PRDM5: variants seen among roughly 807,000 people sequenced by gnomAD.
PRDM5 encodes PR domain zinc finger protein 5.
A neutral mutation model predicts 81.2 loss-of-function variants in PRDM5; 56 were observed. That is an observed-to-expected ratio of 0.69 (90% CI 0.56 to 0.86). PRDM5 has a LOEUF of 0.86. PRDM5 is among the 40% of genes least tolerant of loss of function. The pLI, the probability that PRDM5 is intolerant of heterozygous loss-of-function variation, is 0.00. For missense variants in PRDM5, 697 were observed against 770.1 expected (o/e 0.91, Z 1.12); for synonymous variants, 267 against 256.4 (o/e 1.04, Z -0.39).
At chr4:120,833,191 A>G (rs1756927706) in intron 3 of PRDM5, among the ~76,000 whole-genome samples, 1 of 152,174 alleles carries the variant, frequency 6.6e-6, no homozygotes, top group Non-Finnish European at 1.5e-5. Context: ...AATTCCAGAA[A>G]TAAACGATTA....
At chr4:120,685,378 T>C (rs984378646) in intron 1 of PRDM5, among the ~76,000 whole-genome samples, 5 of 152,110 alleles carry the variant, frequency 3.3e-5, no homozygotes, top group African/African-American at 1.2e-4. Context: ...ATGTTTTAGT[T>C]AAAAGAATAG....
chr4:120,714,039 C>A (rs912845247), intron 14 of PRDM5, among the ~76,000 whole-genome samples: 1 of 152,196 alleles, frequency 6.6e-6, no homozygotes, highest in South Asian at 2.1e-4. Context: ...TACCATCACA[C>A]TGATGGTTAG....
intron 3 of PRDM5, among the ~76,000 whole-genome samples, chr4:120,847,519 C>T (rs892598937): frequency 6.6e-6 from 1 of 152,116 alleles, no homozygotes; most frequent in African/African-American, 2.4e-5. Context: ...TCAAGTTTTC[C>T]CTGGCTGACC....
chr4:120,846,704 T>A (rs1378175564), intron 3 of PRDM5, among the ~76,000 whole-genome samples: 4 of 152,130 alleles, frequency 2.6e-5, no homozygotes, highest in Admixed American at 6.5e-5. Flanking sequence ...ATATATTATC[T>A]CATTTAATTT....
At chr4:120,897,705 T>G (rs1398506881) in intron 2 of PRDM5, among the ~76,000 whole-genome samples, 2 of 152,240 alleles carry the variant, frequency 1.3e-5, no homozygotes, top group African/African-American at 4.8e-5. Flanking sequence ...CATTCTGTCT[T>G]TTGCTTTGTC....
intron 13 of PRDM5, among the ~76,000 whole-genome samples, chr4:120,769,600 C>G (rs924900826): frequency 3.3e-4 from 50 of 152,132 alleles, no homozygotes; most frequent in African/African-American, 1.2e-3. Context: ...ACCCAGTGAG[C>G]CTTTTTATCA....
At chr4:120,697,366 A>C (rs1734642527) in intron 15 of PRDM5, among the ~76,000 whole-genome samples, 1 of 152,204 alleles carries the variant, frequency 6.6e-6, no homozygotes, top group Non-Finnish European at 1.5e-5. Flanking sequence ...ACTGTCTCCT[A>C]GTCAAAGATT....
intron 2 of PRDM5, among the ~76,000 whole-genome samples, chr4:120,856,282 T>C (rs552984185): frequency 6.6e-6 from 1 of 152,326 alleles, no homozygotes; most frequent in South Asian, 2.1e-4. Flanking sequence ...TATGTGCTGA[T>C]TTATCTTTAT....
chr4:120,904,968 A>C (rs1765635055), intron 2 of PRDM5, among the ~76,000 whole-genome samples: 1 of 152,218 alleles, frequency 6.6e-6, no homozygotes, highest in African/African-American at 2.4e-5. Flanking sequence ...TTTATGACTT[A>C]CTAAGTTATC....
At chr4:120,812,258 A>G (rs984004561) in intron 7 of PRDM5, among the ~76,000 whole-genome samples, 1 of 152,156 alleles carries the variant, frequency 6.6e-6, no homozygotes, top group African/African-American at 2.4e-5. Context: ...GGGAGTGCAG[A>G]TATCTCTTCA....
intron 2 of PRDM5, among the ~76,000 whole-genome samples, chr4:120,896,839 A>G (rs1253333078): frequency 6.6e-6 from 1 of 151,698 alleles, no homozygotes; most frequent in African/African-American, 2.4e-5. Context: ...ACCCGCCACC[A>G]CGCCCGGCTA....
At chr4:120,904,874 A>G (rs1765620782) in intron 2 of PRDM5, among the ~76,000 whole-genome samples, 1 of 152,208 alleles carries the variant, frequency 6.6e-6, no homozygotes, top group Non-Finnish European at 1.5e-5. Context: ...AACATGTTAA[A>G]AATTGAATTT....
chr4:120,786,400 AC>A (rs139235647), intron 10 of PRDM5, among the ~76,000 whole-genome samples: 3,518 of 152,264 alleles, frequency 0.023, 130 homozygotes, highest in African/African-American at 0.08. Context: ...GATCAATAAA[AC>A]AGAAAAACAA....
At chr4:120,897,488 C>A (rs965198177) in intron 2 of PRDM5, among the ~76,000 whole-genome samples, 2 of 152,088 alleles carry the variant, frequency 1.3e-5, no homozygotes, top group Admixed American at 1.3e-4. Context: ...TTCCTCAATT[C>A]ATCAGATAAT....
chr4:120,783,046 G>A (rs1749268160), intron 11 of PRDM5, among the ~76,000 whole-genome samples: 1 of 151,772 alleles, frequency 6.6e-6, no homozygotes, highest in South Asian at 2.1e-4. Flanking sequence ...TCAACATATT[G>A]GGAAATAGCA....
chr4:120,741,563 G>T (rs1399734818), intron 14 of PRDM5, among the ~76,000 whole-genome samples: 1 of 151,822 alleles, frequency 6.6e-6, no homozygotes, highest in Non-Finnish European at 1.5e-5. Flanking sequence ...CAGGTCAGTG[G>T]GTGCGCGCAC....
chr4:120,704,645 C>T (rs1273668535), intron 15 of PRDM5, among the ~76,000 whole-genome samples: 1 of 152,198 alleles, frequency 6.6e-6, no homozygotes, highest in African/African-American at 2.4e-5. Flanking sequence ...CTGTCTAGCC[C>T]TTGTGGAGTC....
chr4:120,710,884 T>C (rs1736869248), intron 14 of PRDM5, among the ~76,000 whole-genome samples: 1 of 152,212 alleles, frequency 6.6e-6, no homozygotes, highest in South Asian at 2.1e-4. Flanking sequence ...TTCTTCATAG[T>C]GGTGTGAGAA....
downstream of PRDM5, among the ~76,000 whole-genome samples, chr4:120,691,573 T>C (rs187338558): frequency 2.8e-4 from 42 of 152,258 alleles, no homozygotes; most frequent in Non-Finnish European, 5.7e-4. Flanking sequence ...TCAAGTTATT[T>C]TTACTTAAGA....
Sources: gnomAD v4.1 joint callset for allele counts (sites outside exome capture counted in the v4.1 genomes callset) on GRCh38, gnomAD v4.1.1 for gene constraint, MANE v1.5 for transcripts, NCBI Gene and HGNC (gene_info 2026-07-23, HGNC 2026-07-21) for gene names.